SGCD: variants seen among roughly 807,000 people sequenced by gnomAD.
SGCD encodes delta-sarcoglycan.
In SGCD, 18 loss-of-function variants were observed where a neutral mutation model predicts 36.6. The observed-to-expected ratio is 0.49, with a 90% CI of 0.34 to 0.73. The LOEUF is 0.73. Among genes scored for constraint, SGCD ranks in the 30% least tolerant of loss-of-function variants. The probability of loss-of-function intolerance (pLI) is 0.01; values close to 1 mark genes in which losing one functional copy is unlikely to be tolerated. For missense variants in SGCD, 387 were observed against 346.7 expected (o/e 1.12, Z -0.92); for synonymous variants, 133 against 130.6 (o/e 1.02, Z -0.12).
intron 3 of SGCD, among the ~76,000 whole-genome samples, chr5:156,463,402 A>G (rs947616828): frequency 3.3e-5 from 5 of 152,124 alleles, no homozygotes; most frequent in African/African-American, 1.2e-4. Flanking sequence ...TAGAGAGCAG[A>G]CGTATAGTCT....
chr5:155,894,082 G>C (rs116662699), intron 1 of SGCD, among the ~76,000 whole-genome samples: 1 of 152,184 alleles, frequency 6.6e-6, no homozygotes, highest in South Asian at 2.1e-4. Flanking sequence ...GTTGGTGAGC[G>C]AGTGGTGAGT....
At chr5:156,073,346 C>T (rs1234097645) in intron 1 of SGCD, among the ~76,000 whole-genome samples, 3 of 152,090 alleles carry the variant, frequency 2.0e-5, no homozygotes, top group East Asian at 3.9e-4. Context: ...TTACTTTAGC[C>T]CAGGATTTCA....
chr5:156,058,792 A>G (rs1425081249), intron 1 of SGCD, among the ~76,000 whole-genome samples: 1 of 145,926 alleles, frequency 6.9e-6, no homozygotes, highest in Non-Finnish European at 1.5e-5. Context: ...TTGAAATGAG[A>G]TGATGTCTGG....
intron 7 of SGCD, among the ~76,000 whole-genome samples, chr5:156,753,628 C>A (rs1287316679): frequency 6.6e-6 from 1 of 152,090 alleles, no homozygotes; most frequent in African/African-American, 2.4e-5. Flanking sequence ...CTGGGGAGGC[C>A]TCAGGAAACT....
intron 3 of SGCD, among the ~76,000 whole-genome samples, chr5:156,499,717 G>T (rs1756365167): frequency 6.6e-6 from 1 of 152,158 alleles, no homozygotes; most frequent in African/African-American, 2.4e-5. Context: ...AAGAGACTAG[G>T]ATGGAGAAGT....
chr5:155,819,734 G>A, the SGCD span, among the ~76,000 whole-genome samples: 3 of 152,092 alleles, frequency 2.0e-5, no homozygotes, highest in East Asian at 1.9e-4. Context: ...AAGGGTCTCC[G>A]GAGAGAAACA....
chr5:156,016,369 A>G (rs980782434), intron 1 of SGCD, among the ~76,000 whole-genome samples: 13 of 152,060 alleles, frequency 8.5e-5, no homozygotes, highest in Non-Finnish European at 1.3e-4. Flanking sequence ...TTAGTTTTAC[A>G]TTTTGTTCCC....
At chr5:155,874,235 A>G (rs898167854) in intron 1 of SGCD, among the ~76,000 whole-genome samples, 1 of 152,166 alleles carries the variant, frequency 6.6e-6, no homozygotes, top group Admixed American at 6.6e-5. Flanking sequence ...GATATGAAAG[A>G]AAGGAAAGAG....
At chr5:156,489,009 A>G (rs1263783814) in intron 3 of SGCD, among the ~76,000 whole-genome samples, 1 of 152,112 alleles carries the variant, frequency 6.6e-6, no homozygotes, top group Non-Finnish European at 1.5e-5. Context: ...ACACATTTAG[A>G]TTGCAAGTGA....
chr5:156,576,388 T>C (rs530549868), intron 4 of SGCD, among the ~76,000 whole-genome samples: 8 of 152,192 alleles, frequency 5.3e-5, no homozygotes, highest in Non-Finnish European at 8.8e-5. Context: ...TAAACATACA[T>C]GTGCGTGTGT....
chr5:156,716,938 A>G (rs1352333927), intron 7 of SGCD, among the ~76,000 whole-genome samples: 1 of 152,068 alleles, frequency 6.6e-6, no homozygotes, highest in African/African-American at 2.4e-5. Context: ...TTTTAATTAA[A>G]CCTTTCAAGG....
At chr5:155,968,352 T>A (rs1757941826) in intron 1 of SGCD, among the ~76,000 whole-genome samples, 1 of 152,132 alleles carries the variant, frequency 6.6e-6, no homozygotes, top group African/African-American at 2.4e-5. Context: ...TTAGTCATTT[T>A]TATTTACTAT....
At chr5:156,296,763 G>A (rs935834367) in intron 3 of SGCD, among the ~76,000 whole-genome samples, 12 of 152,076 alleles carry the variant, frequency 7.9e-5, no homozygotes, top group Non-Finnish European at 1.6e-4. Flanking sequence ...TGTGTATTCT[G>A]TTAAATCTAG....
chr5:156,391,493 G>T (rs923314324), intron 3 of SGCD, among the ~76,000 whole-genome samples: 4 of 152,188 alleles, frequency 2.6e-5, no homozygotes, highest in Non-Finnish European at 5.9e-5. Context: ...AAAGAAAAAG[G>T]ATAGTTGCAT....
chr5:156,528,406 T>A (rs1007138443), intron 4 of SGCD, among the ~76,000 whole-genome samples: 1 of 152,172 alleles, frequency 6.6e-6, no homozygotes, highest in Non-Finnish European at 1.5e-5. Flanking sequence ...ATTATCTTTT[T>A]TTGCCACCGT....
At chr5:156,151,910 T>C (rs1762844156) in intron 3 of SGCD, among the ~76,000 whole-genome samples, 2 of 151,432 alleles carry the variant, frequency 1.3e-5, no homozygotes, top group South Asian at 4.2e-4. Flanking sequence ...ATTGGTTCTG[T>C]TTGGATTTTG....
intron 3 of SGCD, among the ~76,000 whole-genome samples, chr5:156,253,709 A>C (rs1198854382): frequency 3.3e-5 from 5 of 152,222 alleles, no homozygotes; most frequent in Admixed American, 2.6e-4. Flanking sequence ...CCAGAAACTA[A>C]AGATGAAGTC....
chr5:155,817,989 A>T, the SGCD span, among the ~76,000 whole-genome samples: 2 of 152,206 alleles, frequency 1.3e-5, no homozygotes, highest in African/African-American at 4.8e-5. Context: ...TTCACTGCAG[A>T]TTTTTTAAAG....
rs538949094 is a variant in SGCD at position 156,569,910 on chromosome 5, GGTA to G, written c.295-19316_295-19314del. ...CAGTAAGAAAGAAAAATATTGAGGA[GGTA>G]GTAGCAGACCGGATCATGTAGGATC... On this transcript the variant is annotated intron_variant, in intron 4 of 8. Coordinates refer to ENST00000337851, the MANE Select transcript of SGCD (RefSeq NM_000337.6). 4.6e-4 allele frequency among the ~76,000 whole-genome samples: 70 copies of G among 152,264 alleles called. 2 individuals are homozygous for G. The highest frequency in any genetic ancestry group is 2.0e-3 in the Admixed American group (31 of 15,290).
Sources: allele counts gnomAD v4.1 joint callset (sites outside exome capture counted in the v4.1 genomes callset), GRCh38; gene constraint gnomAD v4.1.1; transcripts MANE v1.5; gene names NCBI Gene and HGNC (gene_info 2026-07-23, HGNC 2026-07-21).